Variants in PTPRD observed in about 807,000 individuals in gnomAD.
PTPRD encodes the protein receptor-type tyrosine-protein phosphatase delta.
A neutral mutation model predicts 214.5 loss-of-function variants in PTPRD; 34 were observed. That is an observed-to-expected ratio of 0.16 (90% CI 0.12 to 0.21). The LOEUF (loss-of-function observed/expected upper bound fraction) is 0.21. Ranked by LOEUF, PTPRD falls within the 10% of genes least tolerant of loss-of-function variation. The probability of loss-of-function intolerance (pLI) is 1.00; values close to 1 mark genes in which losing one functional copy is unlikely to be tolerated. For synonymous variants in PTPRD, 1,128 were observed against 845.7 expected, an observed-to-expected ratio of 1.33 and a Z score of -5.79; for missense variants, 2,545 against 2,398.7, an observed-to-expected ratio of 1.06 and a Z score of -1.27.
chr9:10,092,000 T>C (rs1816449823), intron 3 of PTPRD, among the ~76,000 whole-genome samples: 1 of 151,334 alleles, frequency 6.6e-6, no homozygotes, highest in South Asian at 2.1e-4. Flanking sequence ...TATAATGAGA[T>C]TGTACATTTT....
At chr9:9,984,358 A>G (rs1447221016) in intron 4 of PTPRD, among the ~76,000 whole-genome samples, 1 of 152,150 alleles carries the variant, frequency 6.6e-6, no homozygotes, top group Non-Finnish European at 1.5e-5. Flanking sequence ...AGAAGGACAA[A>G]TTTGGAAAGA....
chr9:9,087,878 C>CTTTTTTTTTTT (rs59824704), intron 10 of PTPRD, among the ~76,000 whole-genome samples: 3 of 68,642 alleles, frequency 4.4e-5, no homozygotes, highest in African/African-American at 1.2e-4. Flanking sequence ...GCCCTAAACT[C>CTTTTTTTTTTT]TTTTTTTTTT....
At position 9,870,815 on chromosome 9, in the gene PTPRD, G is replaced by A. The variant is rs116779286; in HGVS notation, c.-368+67692C>T. Among the ~76,000 whole-genome samples, 1,328 of 152,086 alleles carry A rather than the reference G, an allele frequency of 8.7e-3. 18 individuals carry two copies. The highest frequency in any genetic ancestry group is 0.03 in the African/African-American group (1,228 of 41,532). The stretch of plus-strand genomic sequence containing the variant: ...TGCAGATAAAGGGAAAGAGAAGGTA[G>A]GATAGACACTTAGTGTTGAAATATC... On this transcript the variant is annotated intron_variant, in intron 5 of 45. Transcript: ENST00000381196.
At chr9:9,499,126 G>A (rs2382019) in intron 8 of PTPRD, among the ~76,000 whole-genome samples, 110,091 of 151,966 alleles carry the variant, frequency 0.72, 40,401 homozygotes, top group African/African-American at 0.85. Flanking sequence ...AGCATAGATT[G>A]GAAGAAAAAT....
chr9:9,867,139 T>G (rs1434778901), intron 5 of PTPRD, among the ~76,000 whole-genome samples: 1 of 152,158 alleles, frequency 6.6e-6, no homozygotes, highest in Non-Finnish European at 1.5e-5. Flanking sequence ...GGAGTCAATA[T>G]TATTGTATAT....
At chr9:8,875,292 G>T (rs560377694) in intron 11 of PTPRD, among the ~76,000 whole-genome samples, 1 of 152,162 alleles carries the variant, frequency 6.6e-6, no homozygotes, top group Non-Finnish European at 1.5e-5. Context: ...TCGGGAGGCC[G>T]AGGTAGGAGG....
At chr9:10,537,545 ACT>A (rs2058112443) in intron 2 of PTPRD, among the ~76,000 whole-genome samples, 2 of 151,668 alleles carry the variant, frequency 1.3e-5, no homozygotes, top group South Asian at 4.2e-4. Flanking sequence ...ATTTACTTCA[ACT>A]CTCTTTCTTT....
chr9:8,699,474 TA>T (rs2098020628), intron 12 of PTPRD, among the ~76,000 whole-genome samples: 1 of 152,206 alleles, frequency 6.6e-6, no homozygotes, highest in African/African-American at 2.4e-5. Flanking sequence ...AATCCCTCTA[TA>T]ATGACTCATT....
At chr9:9,513,027 A>G (rs963913546) in intron 8 of PTPRD, among the ~76,000 whole-genome samples, 1 of 151,904 alleles carries the variant, frequency 6.6e-6, no homozygotes, top group Non-Finnish European at 1.5e-5. Flanking sequence ...TAGATGTGTT[A>G]CTGGTTAACA....
At chr9:9,150,499 T>C (rs2099875816) in intron 10 of PTPRD, among the ~76,000 whole-genome samples, 1 of 148,482 alleles carries the variant, frequency 6.7e-6, no homozygotes, top group African/African-American at 2.5e-5. Flanking sequence ...TGTATATATA[T>C]ATTTTTTTGA....
intron 11 of PTPRD, among the ~76,000 whole-genome samples, chr9:8,944,735 C>G (rs62529134): frequency 0.14 from 20,750 of 151,620 alleles, 1,579 homozygotes; most frequent in South Asian, 0.23. Flanking sequence ...ATGACGGTTA[C>G]CAGAGGCTGG....
At chr9:8,805,626 G>C (rs942474352) in intron 11 of PTPRD, among the ~76,000 whole-genome samples, 30 of 151,112 alleles carry the variant, frequency 2.0e-4, no homozygotes, top group African/African-American at 7.3e-4. Context: ...TTCCGAGATG[G>C]AGTTTCACTC....
intron 7 of PTPRD, among the ~76,000 whole-genome samples, chr9:9,670,825 T>A (rs531780669): frequency 4.2e-4 from 64 of 152,176 alleles, no homozygotes; most frequent in African/African-American, 1.5e-3. Flanking sequence ...AGAAGATATA[T>A]GGAAATGCCT....
At chr9:9,430,993 G>A (rs1483657099) in intron 8 of PTPRD, among the ~76,000 whole-genome samples, 4 of 152,118 alleles carry the variant, frequency 2.6e-5, no homozygotes, top group Admixed American at 2.6e-4. Flanking sequence ...ATAGGCATGG[G>A]CAAGGACTTC....
chr9:8,404,763 G>A (rs1589612003), intron 35 of PTPRD, 103 bp from the exon 36 acceptor site: 8 of 1,360,972 alleles, frequency 5.9e-6, no homozygotes. Flanking sequence ...GGAAAATTCT[G>A]AAGCCATACT....
intron 5 of PTPRD, among the ~76,000 whole-genome samples, chr9:9,929,140 A>C (rs1299017728): frequency 6.6e-6 from 1 of 152,164 alleles, no homozygotes; most frequent in African/African-American, 2.4e-5. Context: ...TGATCCTTCT[A>C]GTCTCCACTT....
intron 7 of PTPRD, among the ~76,000 whole-genome samples, chr9:9,667,485 A>C (rs1465464275): frequency 2.0e-5 from 3 of 152,168 alleles, no homozygotes; most frequent in African/African-American, 7.2e-5. Context: ...TTCATTTTAC[A>C]AATTATACAG....
At chr9:9,683,160 G>A (rs890183620) in intron 7 of PTPRD, among the ~76,000 whole-genome samples, 3 of 151,766 alleles carry the variant, frequency 2.0e-5, no homozygotes, top group Non-Finnish European at 4.4e-5. Flanking sequence ...CCATTTGGAC[G>A]AATAAGTTAG....
chr9:10,242,465 A>G (rs1440933494), intron 3 of PTPRD, among the ~76,000 whole-genome samples: 22 of 151,988 alleles, frequency 1.4e-4, no homozygotes, highest in Non-Finnish European at 2.6e-4. Context: ...ACTATGATTC[A>G]TATGAATTAG....
Sources: gnomAD v4.1 joint callset for allele counts (sites outside exome capture counted in the v4.1 genomes callset) on GRCh38, gnomAD v4.1.1 for gene constraint, MANE v1.5 for transcripts, NCBI Gene and HGNC (gene_info 2026-07-23, HGNC 2026-07-21) for gene names.